Variants in MEGF10 observed in about 807,000 individuals in gnomAD.
MEGF10 encodes the protein multiple EGF like domains 10.
Under a neutral mutation model 147.5 loss-of-function variants are expected in MEGF10, and 86 were observed. That is an observed-to-expected ratio of 0.58 (90% CI 0.49 to 0.70). The LOEUF is 0.70. MEGF10 is among the 30% of genes least tolerant of loss of function. MEGF10 has a pLI of 0.00. For synonymous variants in MEGF10, 478 were observed against 525.5 expected, an observed-to-expected ratio of 0.91 and a Z score of 1.24; for missense variants, 1,329 against 1,487.3, an observed-to-expected ratio of 0.89 and a Z score of 1.75.
At chr5:127,390,351 G>A (rs1446858161) in intron 5 of MEGF10, among the ~76,000 whole-genome samples, 2 of 152,022 alleles carry the variant, frequency 1.3e-5, no homozygotes, top group East Asian at 1.9e-4. Context: ...GTTCAGTAGA[G>A]CAATCACGAC....
At chr5:127,254,454 A>T in the MEGF10 span, among the ~76,000 whole-genome samples, 1 of 152,168 alleles carries the variant, frequency 6.6e-6, no homozygotes, top group African/African-American at 2.4e-5. Flanking sequence ...AAATATTAAT[A>T]CTTTTCATAG....
chr5:127,425,181 G>A (rs1765169570), intron 13 of MEGF10, among the ~76,000 whole-genome samples: 1 of 152,240 alleles, frequency 6.6e-6, no homozygotes, highest in Non-Finnish European at 1.5e-5. Flanking sequence ...GCCGGAAAAT[G>A]TGTTAGTTGC....
At chr5:127,389,208 T>C (rs1763551977) in intron 5 of MEGF10, among the ~76,000 whole-genome samples, 1 of 152,192 alleles carries the variant, frequency 6.6e-6, no homozygotes, top group African/African-American at 2.4e-5. Context: ...GTGCTTGTCA[T>C]AATTGTCATG....
chr5:127,449,862 A>G (rs529947255), intron 22 of MEGF10, among the ~76,000 whole-genome samples: 2 of 152,338 alleles, frequency 1.3e-5, no homozygotes, highest in African/African-American at 4.8e-5. Context: ...GGCTATATCT[A>G]TTTATATTTA....
Position 127,440,758 on chromosome 5 carries a change from T to C in MEGF10, c.2253T>C (p.Tyr751=). Residue 751 remains tyrosine, a synonymous_variant, in exon 18 of 25, where the codon TAT becomes TAC. Transcript: ENST00000503335. ...YCTQRCPLGF[Y]GKDCALICQC... ...CCACAGGATGTCCTCTAGGGTTTTA[T>C]GGAAAAGATTGTGCACTGATATGCC... 3 of 1,614,054 alleles carry C rather than the reference T, an allele frequency of 1.9e-6. No individual in the cohort carries two copies. Among genetic ancestry groups the C allele is most frequent in the Non-Finnish European group, 1.7e-6 (2 of 1,179,930 alleles).
intron 4 of MEGF10, among the ~76,000 whole-genome samples, chr5:127,357,665 C>T (rs74290651): frequency 0.017 from 2,611 of 150,126 alleles, 64 homozygotes; most frequent in Middle Eastern, 0.097. Flanking sequence ...AAAAAAGTGA[C>T]CCATCTAAGA....
At chr5:127,392,318 C>CTGGGTG (rs1763734063) in intron 5 of MEGF10, among the ~76,000 whole-genome samples, 2 of 152,210 alleles carry the variant, frequency 1.3e-5, no homozygotes, top group African/African-American at 4.8e-5. Context: ...CCTGCAGCCC[C>CTGGGTG]TGCACCCCTC....
At chr5:127,290,388 G>A (rs1759190691), upstream of MEGF10, among the ~76,000 whole-genome samples, 1 of 152,144 alleles carries the variant, frequency 6.6e-6, no homozygotes, top group Non-Finnish European at 1.5e-5. Context: ...TGGCCGCTCG[G>A]GCGCCGGCCA....
At chr5:127,437,029 G>T (rs1180885489) in intron 16 of MEGF10, among the ~76,000 whole-genome samples, 1 of 152,160 alleles carries the variant, frequency 6.6e-6, no homozygotes, top group Non-Finnish European at 1.5e-5. Context: ...CCCATTCTCT[G>T]ATCATAACAA....
At chr5:127,373,864 G>C (rs1195865262) in intron 5 of MEGF10, among the ~76,000 whole-genome samples, 1 of 152,210 alleles carries the variant, frequency 6.6e-6, no homozygotes, top group Non-Finnish European at 1.5e-5. Flanking sequence ...ATCCAGACCT[G>C]CTGGAGAGGG....
intron 7 of MEGF10, among the ~76,000 whole-genome samples, chr5:127,401,059 T>C (rs1163226028): frequency 6.6e-6 from 1 of 152,214 alleles, no homozygotes; most frequent in Non-Finnish European, 1.5e-5. Context: ...CACGAAAATA[T>C]TTCAGCGCAT....
chr5:127,394,218 G>A (rs1763817385), intron 5 of MEGF10, among the ~76,000 whole-genome samples: 1 of 152,174 alleles, frequency 6.6e-6, no homozygotes, highest in Non-Finnish European at 1.5e-5. Context: ...GTTCCTAGAA[G>A]TTAAGAGGGA....
intron 4 of MEGF10, among the ~76,000 whole-genome samples, chr5:127,364,822 C>T (rs2126849816): frequency 6.6e-6 from 1 of 152,284 alleles, no homozygotes. Context: ...ACCCAGAACA[C>T]CCTCTATCAT....
chr5:127,344,486 A>G (rs1761800298), intron 4 of MEGF10, among the ~76,000 whole-genome samples: 1 of 152,188 alleles, frequency 6.6e-6, no homozygotes, highest in Non-Finnish European at 1.5e-5. Flanking sequence ...CTGAACAGAG[A>G]ATGAGATGCT....
intron 2 of MEGF10, among the ~76,000 whole-genome samples, chr5:127,332,249 C>T (rs1761290363): frequency 6.6e-6 from 1 of 152,178 alleles, no homozygotes; most frequent in Non-Finnish European, 1.5e-5. Context: ...TAATGTGCTA[C>T]TTGAATTTCC....
chr5:127,386,542 A>G (rs1763442459), intron 5 of MEGF10, among the ~76,000 whole-genome samples: 1 of 152,354 alleles, frequency 6.6e-6, no homozygotes, highest in East Asian at 1.9e-4. Context: ...TTAATTGGCA[A>G]TGAAAAAGAC....
At chr5:127,372,884 C>G (rs1053875539) in intron 5 of MEGF10, among the ~76,000 whole-genome samples, 35 of 152,188 alleles carry the variant, frequency 2.3e-4, no homozygotes, top group African/African-American at 8.2e-4. Flanking sequence ...CCTTTCTGTA[C>G]TCTACTCTGC....
At chr5:127,316,150 G>C (rs1033791928) in intron 1 of MEGF10, among the ~76,000 whole-genome samples, 2 of 152,180 alleles carry the variant, frequency 1.3e-5, no homozygotes, top group Non-Finnish European at 2.9e-5. Flanking sequence ...CCTTTGCTCT[G>C]CCTCCTTATC....
At chr5:127,434,574 C>CT (rs1765492525) in intron 14 of MEGF10, 113 bp from the exon 15 acceptor site, 95 of 1,192,236 alleles carry the variant, frequency 8.0e-5, no homozygotes, top group South Asian at 1.8e-4. Context: ...ATCTTTTTTA[C>CT]TTTTTTTTAA....
Sources: allele counts gnomAD v4.1 joint callset (sites outside exome capture counted in the v4.1 genomes callset), GRCh38; gene constraint gnomAD v4.1.1; transcripts MANE v1.5; gene names NCBI Gene and HGNC (gene_info 2026-07-23, HGNC 2026-07-21).